The following SCRN1 variants were observed in gnomAD, a reference collection of about 807,000 sequenced individuals.
SCRN1 encodes secernin-1.
In SCRN1, 19 loss-of-function variants were observed where a neutral mutation model predicts 43.3. That is an observed-to-expected ratio of 0.44 (90% confidence interval 0.31 to 0.64). SCRN1 has a LOEUF of 0.64. Ranked by LOEUF, SCRN1 falls within the 30% of genes least tolerant of loss-of-function variation. The probability of loss-of-function intolerance (pLI) is 0.09; values close to 1 mark genes in which losing one functional copy is unlikely to be tolerated. For synonymous variants in SCRN1, 183 were observed against 188.9 expected, an observed-to-expected ratio of 0.97 and a Z score of 0.26; for missense variants, 447 against 524.1, an observed-to-expected ratio of 0.85 and a Z score of 1.44.
Position 29,965,717 on chromosome 7 carries a change from A to T in SCRN1, c.159+3192T>A, listed in dbSNP as rs1788464842. Among the ~76,000 whole-genome samples the T allele has an allele frequency of 6.6e-6, 1 of 152,188 alleles. No homozygotes were observed. The highest frequency in any genetic ancestry group is 1.5e-5 in the Non-Finnish European group (1 of 68,042). On this transcript the variant is annotated intron_variant, in intron 2 of 7. Transcript: ENST00000242059. This position sits in a 1 kb window ranked among gnomAD's most constrained non-coding sequence, Gnocchi z 4.2. ...GCCTTAGAGGCTAATTATGGTATAT[A>T]TCACACTATACTTATGTATGGAAGG... is the stretch of plus-strand genomic sequence containing the variant.
At chr7:29,929,394 T>C (rs1439700454) in intron 6 of SCRN1, among the ~76,000 whole-genome samples, 2 of 152,232 alleles carry the variant, frequency 1.3e-5, no homozygotes, top group Non-Finnish European at 2.9e-5. Context: ...GCAATGCTAC[T>C]TCATTCAATC....
intron 3 of SCRN1, among the ~76,000 whole-genome samples, chr7:29,952,495 G>A (rs1306283575): frequency 6.6e-6 from 1 of 152,156 alleles, no homozygotes; most frequent in Non-Finnish European, 1.5e-5. Flanking sequence ...TTCGAGACCA[G>A]CCTGGTCAAC....
rs781433891 is a variant in SCRN1 at position 29,936,682 on chromosome 7, T to C, written c.779A>G (p.Asp260Gly). The C allele has an allele frequency of 6.3e-7, 1 of 1,586,568 alleles. No homozygotes were observed. Among genetic ancestry groups the C allele is most frequent in the South Asian group, 1.1e-5 (1 of 88,206 alleles). The stretch of plus-strand genomic sequence containing the variant: ...GTCTATGCACACTCCGCTGGCTTTG[T>C]CCCGTAAGGTGTTCATCATAGTCTG... ...TVQTMMNTLR[D>G]KASGVCIDSE... is the part of the protein sequence containing the mutation. The change falls in exon 6 of 8, where the codon GAC (aspartate) becomes GGC (glycine). Residue 260 changes from aspartate (D) to glycine (G), a missense_variant. Coordinates refer to ENST00000242059, the MANE Select transcript of SCRN1 (RefSeq NM_014766.5).
At chr7:29,988,948 G>A (rs1332848364) in intron 1 of SCRN1, 1 of 152,210 alleles carries the variant, frequency 6.6e-6, no homozygotes, top group East Asian at 1.9e-4. Context: ...CCTCAAGAGC[G>A]AGCCGAGGAG....
At chr7:29,925,569 G>A (rs1005377793) in intron 7 of SCRN1, among the ~76,000 whole-genome samples, 3 of 152,132 alleles carry the variant, frequency 2.0e-5, no homozygotes, top group South Asian at 4.1e-4. Context: ...AAAGTCCATC[G>A]GGGTGGCTGC....
chr7:29,923,823 A>G lies in SCRN1; in HGVS notation c.*134T>C, dbSNP rs1786849961. 4 of 930,934 alleles carry G rather than the reference A, an allele frequency of 4.3e-6. No individual in the cohort carries two copies. Among genetic ancestry groups the G allele is most frequent in the South Asian group, 3.2e-5 (2 of 62,044 alleles). The allele number at this position is 930,934 out of a possible 1,614,324, so 57.7% of individuals were successfully genotyped here. On this transcript the variant is annotated 3_prime_UTR_variant, in exon 8 of 8. Coordinates refer to ENST00000242059, the MANE Select transcript of SCRN1 (RefSeq NM_014766.5). ...GATTCAAGGTGGAACACAAGGTAAC[A>G]GTTTGATCTGGCTTCAGAAAAGGAG...
intron 6 of SCRN1, among the ~76,000 whole-genome samples, chr7:29,929,195 C>A (rs1372796315): frequency 1.3e-5 from 2 of 152,202 alleles, no homozygotes; most frequent in Non-Finnish European, 2.9e-5. Context: ...GGGCTCCCAC[C>A]CAGCAGCCCA....
chr7:29,986,717 ATTTTT>A (rs553845779), intron 1 of SCRN1, among the ~76,000 whole-genome samples: 183 of 99,830 alleles, frequency 1.8e-3, no homozygotes, highest in African/African-American at 7.2e-3. Context: ...AATTTTTTTA[ATTTTT>A]TTTTTTTTTT....
intron 3 of SCRN1, among the ~76,000 whole-genome samples, chr7:29,944,772 T>C (rs1470134641): frequency 6.6e-6 from 1 of 151,958 alleles, no homozygotes; most frequent in Non-Finnish European, 1.5e-5. Flanking sequence ...CAGTGTCTTC[T>C]CCCTCTTGGA....
At chr7:29,949,151 T>G (rs981547040) in intron 3 of SCRN1, among the ~76,000 whole-genome samples, 2 of 151,514 alleles carry the variant, frequency 1.3e-5, no homozygotes, top group East Asian at 4.0e-4. Flanking sequence ...CTGTCTCTAC[T>G]AAAAATACAA....
In SCRN1 at chr7:29,924,061, C is replaced by G. The variant is rs1256876550; in HGVS notation, c.1141G>C (p.Glu381Gln). 1 of 1,614,028 alleles carries G rather than the reference C, an allele frequency of 6.2e-7. No homozygotes were observed. Among genetic ancestry groups the G allele is most frequent in the Non-Finnish European group, 8.5e-7 (1 of 1,180,036 alleles). The change falls in exon 8 of 8, where the codon GAA (glutamate) becomes CAA (glutamine). Residue 381 changes from glutamate to glutamine, a missense_variant. Glu to Gln is a conservative substitution (Grantham distance 29). Coordinates refer to ENST00000242059, the MANE Select transcript of SCRN1 (RefSeq NM_014766.5). ...CTGGTCAGGATTTCTTCCATGGCTT[C>G]CAGGCCTTGCTTCTCCAGCTCCAGC... Reference protein sequence around the residue: ...TMLELEKQGLEAMEEILTSSE... With the variant: ...TMLELEKQGLQAMEEILTSSE...
At position 29,940,338 on chromosome 7, in the gene SCRN1, G is replaced by A. The variant is rs1198317963; in HGVS notation, c.739+344C>T. Among the ~76,000 whole-genome samples the A allele has an allele frequency of 2.0e-5, 3 of 152,168 alleles. No homozygotes were observed. In the East Asian group the frequency reaches 5.8e-4, roughly 29 times the overall value. On this transcript the variant is annotated intron_variant, in intron 5 of 7. Coordinates refer to ENST00000242059, the MANE Select transcript of SCRN1 (RefSeq NM_014766.5). Reference sequence around the variant, plus strand: ...ACAACACCTCTGCCCTCAAGTCCCAGCAGGCTAGCGGGGCAGGGAAAGATG... The same window carrying A: ...ACAACACCTCTGCCCTCAAGTCCCAACAGGCTAGCGGGGCAGGGAAAGATG...
At chr7:29,949,784 C>T (rs1306184667) in intron 3 of SCRN1, among the ~76,000 whole-genome samples, 1 of 152,112 alleles carries the variant, frequency 6.6e-6, no homozygotes, top group Non-Finnish European at 1.5e-5. Context: ...AGCAATCTTC[C>T]CGCCTCAGTC....
At chr7:29,983,758 A>G (rs1789065956) in intron 1 of SCRN1, among the ~76,000 whole-genome samples, 1 of 152,258 alleles carries the variant, frequency 6.6e-6, no homozygotes, top group African/African-American at 2.4e-5. Flanking sequence ...GTATTAAGAT[A>G]GTTTGTTACT....
chr7:29,939,899 C>T (rs1449941734), intron 5 of SCRN1, among the ~76,000 whole-genome samples: 1 of 151,570 alleles, frequency 6.6e-6, no homozygotes, highest in African/African-American at 2.4e-5. Flanking sequence ...CCTGTAATCC[C>T]AGCACTTTGG....
At chr7:29,954,910 A>T (rs1788080001) in intron 3 of SCRN1, among the ~76,000 whole-genome samples, 1 of 152,128 alleles carries the variant, frequency 6.6e-6, no homozygotes, top group African/African-American at 2.4e-5. Context: ...CGAACTCCTG[A>T]CCTCAGGTGA....
intron 1 of SCRN1, among the ~76,000 whole-genome samples, chr7:29,988,327 G>A (rs1207272219): frequency 6.6e-6 from 1 of 152,160 alleles, no homozygotes; most frequent in Admixed American, 6.5e-5. Context: ...AAACCGTAGA[G>A]TTTTAACTAG....
chr7:29,936,160 A>G lies in SCRN1; in HGVS notation c.905+396T>C, dbSNP rs138319450. 3.9e-4 allele frequency among the ~76,000 whole-genome samples: 59 copies of G among 152,338 alleles called. No homozygotes were observed. The East Asian group carries it at 0.011, about 28-fold the overall frequency. On this transcript the variant is annotated intron_variant, in intron 6 of 7. Transcript: ENST00000242059. ...CAGGAACTGGTTGTTTTGATAAATC[A>G]TGAGCATTCCCACATCTCTCTGTCT...
chr7:29,938,684 T>C (rs976279571), intron 5 of SCRN1, among the ~76,000 whole-genome samples: 5 of 152,264 alleles, frequency 3.3e-5, no homozygotes, highest in African/African-American at 4.8e-5. Flanking sequence ...CCCATCCCTT[T>C]ATTTCGGCCC....
Sources: gnomAD v4.1 joint callset for allele counts (sites outside exome capture counted in the v4.1 genomes callset) on GRCh38, gnomAD v4.1.1 for gene constraint, Gnocchi (gnomAD v3.1) non-coding constraint, MANE v1.5 for transcripts, NCBI Gene and HGNC (gene_info 2026-07-23, HGNC 2026-07-21) for gene names.